CELF2: variants seen among roughly 807,000 people sequenced by gnomAD.
CELF2 encodes the protein CUG triplet repeat RNA-binding protein 2.
Under a neutral mutation model 62.6 loss-of-function variants are expected in CELF2, and 8 were observed. The observed-to-expected ratio is 0.13, with a 90% CI of 0.07 to 0.23. The LOEUF (loss-of-function observed/expected upper bound fraction) is 0.23, where lower values mean the gene tolerates loss of function less well. Among genes scored for constraint, CELF2 ranks in the 10% least tolerant of loss-of-function variants. The pLI is 1.00. For synonymous variants in CELF2, 258 were observed against 250.0 expected (o/e 1.03, Z -0.30); for missense variants, 333 against 671.0 (o/e 0.50, Z 5.56).
intron 2 of CELF2, among the ~76,000 whole-genome samples, chr10:10,968,796 G>T (rs1430817793): frequency 6.6e-6 from 1 of 152,022 alleles, no homozygotes; most frequent in Non-Finnish European, 1.5e-5. Context: ...ACTTTTCCTG[G>T]CAAAGAATCC....
chr10:10,777,298 C>T, the CELF2 span, among the ~76,000 whole-genome samples: 1 of 152,194 alleles, frequency 6.6e-6, no homozygotes, highest in African/African-American at 2.4e-5. Context: ...CCTGGTGCAT[C>T]CTCATACAGA....
At chr10:11,229,579 A>T (rs2067861807) in intron 3 of CELF2, among the ~76,000 whole-genome samples, 1 of 151,730 alleles carries the variant, frequency 6.6e-6, no homozygotes, top group African/African-American at 2.4e-5. Context: ...CTCACTTGGG[A>T]TGAGAGTCTG....
chr10:10,511,758 A>C, the CELF2 span, among the ~76,000 whole-genome samples: 1 of 152,134 alleles, frequency 6.6e-6, no homozygotes, highest in East Asian at 1.9e-4. Flanking sequence ...ACCTACTTCA[A>C]GGGTTGTTGT....
At chr10:10,725,633 A>G in the CELF2 span, among the ~76,000 whole-genome samples, 1 of 152,062 alleles carries the variant, frequency 6.6e-6, no homozygotes, top group Non-Finnish European at 1.5e-5. Flanking sequence ...TTCTAATCCC[A>G]TTTCTTCCTC....
chr10:11,217,455 A>G lies in CELF2; in HGVS notation c.302A>G (p.Lys101Arg). 6.2e-7 allele frequency: 1 copy of G among 1,613,312 alleles called. No individual in the cohort carries two copies. The highest frequency in any genetic ancestry group is 8.5e-7 in the Non-Finnish European group (1 of 1,179,482). Residue 101 changes from lysine (K) to arginine (R), a missense_variant, in exon 3 of 13, where the codon AAA becomes AGA. By Grantham distance (26) the Lys-to-Arg change is conservative. Around this residue, in one of 3 missense-constraint regions of CELF2, gnomAD observed 253 missense variants for 503.0 expected, o/e 0.50. Coordinates refer to ENST00000633077, the MANE Select transcript of CELF2 (RefSeq NM_001326342.2). This position sits in a 1 kb window ranked among gnomAD's most constrained non-coding sequence, Gnocchi z 5.6. ...GCCFVTFYTR[K>R]AALEAQNALH... ...TGTTTCGTAACATTTTATACAAGAA[A>G]AGCTGCACTTGAGGCCCAGAATGCA...
the CELF2 span, among the ~76,000 whole-genome samples, chr10:10,610,545 G>C: frequency 2.6e-5 from 4 of 152,190 alleles, no homozygotes; most frequent in African/African-American, 9.7e-5. Flanking sequence ...TTTTGCTAAT[G>C]TGAGAGAACT....
the CELF2 span, among the ~76,000 whole-genome samples, chr10:10,781,810 C>T: frequency 6.6e-6 from 1 of 152,168 alleles, no homozygotes; most frequent in Non-Finnish European, 1.5e-5. Context: ...AACATATCCC[C>T]ATTGTTAAGT....
chr10:11,189,087 T>G (rs2075710516), intron 2 of CELF2, among the ~76,000 whole-genome samples: 1 of 152,210 alleles, frequency 6.6e-6, no homozygotes, highest in Non-Finnish European at 1.5e-5. Flanking sequence ...ATTTTCTACT[T>G]CTAAAGTGAG....
In CELF2 at chr10:10,888,518, G is replaced by C. The variant is rs1012969111; in HGVS notation, c.54-31446G>C. 5.3e-5 allele frequency among the ~76,000 whole-genome samples: 8 copies of C among 152,162 alleles called. No homozygotes were observed. In the East Asian group the frequency reaches 1.5e-3, roughly 29 times the overall value. Reference sequence around the variant, plus strand: ...CTGAGACTAACAAATGGAAAACAGAGACTTCGTTTTACATAAAAGATTTTT... The same window carrying C: ...CTGAGACTAACAAATGGAAAACAGACACTTCGTTTTACATAAAAGATTTTT... On this transcript the variant is annotated intron_variant, in intron 1 of 13. Coordinates refer to the CELF2 transcript ENST00000636488.
chr10:10,986,843 C>A (rs1005084771), intron 2 of CELF2, among the ~76,000 whole-genome samples: 3 of 152,154 alleles, frequency 2.0e-5, no homozygotes, highest in Non-Finnish European at 2.9e-5. Flanking sequence ...CGCGTTCTTA[C>A]CACCAAATAT....
chr10:11,172,227 A>G (rs754345441), intron 2 of CELF2, among the ~76,000 whole-genome samples: 32 of 152,178 alleles, frequency 2.1e-4, no homozygotes, highest in Non-Finnish European at 2.9e-4. Context: ...ATGTTATGTT[A>G]ACAGAAGGCT....
At chr10:10,830,620 G>A (rs1235722080) in intron 1 of CELF2, among the ~76,000 whole-genome samples, 2 of 151,770 alleles carry the variant, frequency 1.3e-5, no homozygotes, top group South Asian at 2.1e-4. Context: ...AAAGACTAAG[G>A]AAAGAAAATG....
chr10:11,182,887 A>G (rs1025963211), intron 2 of CELF2, among the ~76,000 whole-genome samples: 2 of 152,022 alleles, frequency 1.3e-5, no homozygotes, highest in Admixed American at 1.3e-4. Flanking sequence ...GAGTTTTTTA[A>G]TGTTCCTACC....
chr10:11,218,842 A>T (rs1433276404), intron 3 of CELF2, among the ~76,000 whole-genome samples: 2 of 152,248 alleles, frequency 1.3e-5, no homozygotes, highest in East Asian at 3.9e-4. Flanking sequence ...ATGTAAATGG[A>T]CTTTTTTTTA....
intron 1 of CELF2, among the ~76,000 whole-genome samples, chr10:11,049,518 CT>C (rs2063501734): frequency 7.5e-6 from 1 of 132,922 alleles, no homozygotes; most frequent in Non-Finnish European, 1.5e-5. Context: ...TTCCTGTTCC[CT>C]TTTTCTCCCA....
intron 1 of CELF2, among the ~76,000 whole-genome samples, chr10:10,888,879 G>A (rs937535183): frequency 6.6e-6 from 1 of 152,146 alleles, no homozygotes; most frequent in Non-Finnish European, 1.5e-5. Flanking sequence ...AACATGGTCT[G>A]TCTCCCCCAG....
intron 1 of CELF2, among the ~76,000 whole-genome samples, chr10:10,819,596 C>T (rs922160764): frequency 3.9e-5 from 6 of 152,072 alleles, no homozygotes; most frequent in African/African-American, 7.2e-5. Context: ...AGAGAACATC[C>T]ACTGGTTCTC....
chr10:11,279,719 T>C (rs1254004527), intron 8 of CELF2, among the ~76,000 whole-genome samples: 3 of 152,196 alleles, frequency 2.0e-5, no homozygotes, highest in Non-Finnish European at 2.9e-5. Flanking sequence ...AAATTAAATT[T>C]TCATGCCCTT....
At chr10:11,128,131 A>G (rs1273307696) in intron 1 of CELF2, among the ~76,000 whole-genome samples, 2 of 152,354 alleles carry the variant, frequency 1.3e-5, no homozygotes, top group Admixed American at 6.5e-5. Context: ...CATTTATTAA[A>G]TAGGAAATCC....
Sources: allele counts gnomAD v4.1 joint callset (sites outside exome capture counted in the v4.1 genomes callset), GRCh38; gene constraint gnomAD v4.1.1; regional missense constraint gnomAD v4.1.1; non-coding constraint Gnocchi (gnomAD v3.1); transcripts MANE v1.5; gene names NCBI Gene and HGNC (gene_info 2026-07-23, HGNC 2026-07-21).